GREB1: variants seen among roughly 807,000 people sequenced by gnomAD.
The protein encoded by GREB1 is growth regulating estrogen receptor binding 1.
Under a neutral mutation model 200.7 loss-of-function variants are expected in GREB1, and 106 were observed. The observed-to-expected ratio is 0.53, with a 90% CI of 0.45 to 0.62. The LOEUF (loss-of-function observed/expected upper bound fraction) is 0.62, where lower values mean the gene tolerates loss of function less well. Among genes scored for constraint, GREB1 ranks in the 20% least tolerant of loss-of-function variants. GREB1 has a pLI of 0.00. For missense variants in GREB1, 2,243 were observed against 2,556.8 expected (o/e 0.88, Z 2.65); for synonymous variants, 1,132 against 1,092.4 (o/e 1.04, Z -0.72).
At chr2:11,618,962 G>GA (rs1397613877) in intron 22 of GREB1, 43 bp downstream of exon 22, 1 of 1,434,938 alleles carries the variant, frequency 7.0e-7, no homozygotes, top group Non-Finnish European at 9.2e-7. Flanking sequence ...GGACTGGGGG[G>GA]GTCCTCACAC....
chr2:11,486,790 C>T (rs1348865434), intron 1 of GREB1, among the ~76,000 whole-genome samples: 1 of 151,884 alleles, frequency 6.6e-6, no homozygotes, highest in African/African-American at 2.4e-5. Flanking sequence ...ATTGCTTGAA[C>T]CCGGGAAGTG....
intron 1 of GREB1, among the ~76,000 whole-genome samples, chr2:11,552,773 A>T (rs1676003595): frequency 6.6e-6 from 1 of 152,040 alleles, no homozygotes; most frequent in Non-Finnish European, 1.5e-5. Context: ...GCACTTTGGG[A>T]GGCCGAGGCG....
chr2:11,511,852 G>A (rs1313674984), intron 1 of GREB1, among the ~76,000 whole-genome samples: 1 of 152,184 alleles, frequency 6.6e-6, no homozygotes, highest in Non-Finnish European at 1.5e-5. Flanking sequence ...TGGGGATTAA[G>A]TGAGATGACA....
At chr2:11,586,263 CA>C (rs1163998614) in intron 9 of GREB1, among the ~76,000 whole-genome samples, 5 of 152,234 alleles carry the variant, frequency 3.3e-5, no homozygotes, top group Non-Finnish European at 5.9e-5. Flanking sequence ...TAGGAAAAAA[CA>C]AATCACTCCC....
chr2:11,619,846 C>T (rs1360974025), intron 22 of GREB1, among the ~76,000 whole-genome samples: 1 of 152,126 alleles, frequency 6.6e-6, no homozygotes, highest in Non-Finnish European at 1.5e-5. Flanking sequence ...TGAAGCTTCC[C>T]TGTGGTTGGG....
intron 2 of GREB1, among the ~76,000 whole-genome samples, chr2:11,559,542 C>T (rs1367929363): frequency 2.0e-5 from 3 of 152,154 alleles, no homozygotes; most frequent in Non-Finnish European, 2.9e-5. Context: ...CCCTTGGCTG[C>T]GACGGTGCGG....
intron 1 of GREB1, among the ~76,000 whole-genome samples, chr2:11,538,608 TG>T (rs1674410061): frequency 2.1e-5 from 3 of 142,576 alleles, no homozygotes; most frequent in Admixed American, 2.1e-4. Context: ...CAGGAGCTTG[TG>T]TTTCTTTCTT....
In GREB1 at chr2:11,497,971, CTTTTTTTTTTTTTTTTTTTTTTTTTT is replaced by C. The variant is rs70955803; in HGVS notation, c.-159+15606_-159+15631del. Among the ~76,000 whole-genome samples, 22 of 40,624 alleles carry C rather than the reference CTTTTTTTTTTTTTTTTTTTTTTTTTT, an allele frequency of 5.4e-4. 2 individuals carry two copies. The South Asian group carries it at 7.4e-3, about 14-fold the overall frequency. 26.7% of individuals were successfully genotyped at this position (40,624 alleles called of 152,430 possible). ...TAACAGGGTCTTTTGCAGAGCAAAACTTTTTTTTTTTTTTTTTTTTTTTTTTTTTTTTTTTTTTTTTAAAGACAGAG... is the reference window on the plus strand; with the variant it reads ...TAACAGGGTCTTTTGCAGAGCAAAACTTTTTTTTTTTTTTTAAAGACAGAG... On this transcript the variant is annotated intron_variant, in intron 1 of 2. Transcript: ENST00000628795.
intron 18 of GREB1, among the ~76,000 whole-genome samples, chr2:11,611,230 C>T (rs1213016580): frequency 6.6e-6 from 1 of 152,146 alleles, no homozygotes; most frequent in Admixed American, 6.5e-5. Context: ...GCAGCATTGC[C>T]TTATGACTTT....
intron 19 of GREB1, among the ~76,000 whole-genome samples, chr2:11,614,637 C>T (rs919615581): frequency 1.3e-5 from 2 of 151,948 alleles, no homozygotes; most frequent in Non-Finnish European, 2.9e-5. Flanking sequence ...AATCTCGGCT[C>T]ACGGCAAGCT....
At chr2:11,494,935 C>T (rs1222461747) in intron 1 of GREB1, among the ~76,000 whole-genome samples, 1 of 152,182 alleles carries the variant, frequency 6.6e-6, no homozygotes, top group Non-Finnish European at 1.5e-5. Flanking sequence ...TGGGGCCTGG[C>T]CTCAGAGGTG....
At chr2:11,621,084 C>T (rs1683974478) in intron 23 of GREB1, 77 bp downstream of exon 23, 2 of 868,938 alleles carry the variant, frequency 2.3e-6, no homozygotes, top group Non-Finnish European at 4.0e-6. Context: ...TTTTATATTT[C>T]ACTTTCTAGA....
At chr2:11,590,030 C>G (rs1680572294) in intron 10 of GREB1, among the ~76,000 whole-genome samples, 1 of 152,106 alleles carries the variant, frequency 6.6e-6, no homozygotes, top group Non-Finnish European at 1.5e-5. Flanking sequence ...GCCGTGAGAC[C>G]AGCTGCGGGT....
At chr2:11,611,945 G>A (rs1053702906) in intron 18 of GREB1, among the ~76,000 whole-genome samples, 1 of 152,208 alleles carries the variant, frequency 6.6e-6, no homozygotes, top group Non-Finnish European at 1.5e-5. Context: ...TGTAATCCCA[G>A]CACTTTAGGA....
At chr2:11,510,744 C>T (rs1673326322) in intron 1 of GREB1, among the ~76,000 whole-genome samples, 1 of 143,828 alleles carries the variant, frequency 7.0e-6, no homozygotes, top group Non-Finnish European at 1.5e-5. Context: ...GGCTGGAATG[C>T]AGTGGTGCTA....
chr2:11,490,512 G>A (rs918510106), intron 1 of GREB1, among the ~76,000 whole-genome samples: 5 of 152,118 alleles, frequency 3.3e-5, no homozygotes, highest in Non-Finnish European at 7.4e-5. Context: ...GATGCTTGTA[G>A]GAATCTTCAT....
intron 1 of GREB1, among the ~76,000 whole-genome samples, chr2:11,542,088 G>T (rs1674812277): frequency 6.6e-6 from 1 of 151,802 alleles, no homozygotes; most frequent in African/African-American, 2.4e-5. Flanking sequence ...TCTCGGTGAG[G>T]TTCTTCAGGG....
intron 29 of GREB1, among the ~76,000 whole-genome samples, chr2:11,634,948 G>T (rs548122151): frequency 6.6e-6 from 1 of 152,194 alleles, no homozygotes; most frequent in African/African-American, 2.4e-5. Flanking sequence ...CTTTTTCACC[G>T]ATGCGTGAGG....
chr2:11,561,672 C>G (rs576210953), intron 2 of GREB1: 7 of 152,112 alleles, frequency 4.6e-5, no homozygotes, highest in Non-Finnish European at 1.0e-4. Context: ...GCCTACAGCA[C>G]CTGGTATTCC....
Sources: gnomAD v4.1 joint callset for allele counts (sites outside exome capture counted in the v4.1 genomes callset) on GRCh38, gnomAD v4.1.1 for gene constraint, MANE v1.5 for transcripts, NCBI Gene and HGNC (gene_info 2026-07-23, HGNC 2026-07-21) for gene names.